The following PDCD6 variants were observed in gnomAD, a reference collection of about 807,000 sequenced individuals.
The protein encoded by PDCD6 is programmed cell death 6.
In PDCD6, 12 loss-of-function variants were observed where a neutral mutation model predicts 28.3. The ratio of observed to expected loss-of-function variants is 0.42; its 90% CI spans 0.27 to 0.69. The LOEUF (loss-of-function observed/expected upper bound fraction) is 0.69. PDCD6 is among the 30% of genes least tolerant of loss of function. PDCD6 has a pLI of 0.22. For missense variants in PDCD6, 226 were observed against 269.9 expected (o/e 0.84, Z 1.14); for synonymous variants, 92 against 108.0 (o/e 0.85, Z 0.92).
chr5:313,071 A>T (rs56700778), intron 5 of PDCD6, among the ~76,000 whole-genome samples: 9,509 of 152,214 alleles, frequency 0.062, 384 homozygotes, highest in African/African-American at 0.1. Context: ...CTCCTGGGAG[A>T]TGCCTCCTCA....
intron 2 of PDCD6, among the ~76,000 whole-genome samples, chr5:281,358 T>C (rs1387457816): frequency 6.6e-6 from 1 of 152,036 alleles, no homozygotes; most frequent in African/African-American, 2.4e-5. Flanking sequence ...AGATGGAGCC[T>C]TGGGGAGGAG....
chr5:272,104 C>T (rs1447932827), intron 1 of PDCD6, among the ~76,000 whole-genome samples: 1 of 142,366 alleles, frequency 7.0e-6, no homozygotes. Flanking sequence ...CTGTCCTGTG[C>T]GTCGGGCCCT....
At chr5:285,129 A>G (rs1188604808) in intron 2 of PDCD6, among the ~76,000 whole-genome samples, 2 of 149,774 alleles carry the variant, frequency 1.3e-5, no homozygotes, top group African/African-American at 2.4e-5. Context: ...AACCTGGAAC[A>G]GTTTGAACCT....
At chr5:290,392 A>C (rs1579506985) in intron 2 of PDCD6, 3 of 807,136 alleles carry the variant, frequency 3.7e-6, no homozygotes, top group East Asian at 2.5e-5. Flanking sequence ...GCCTCCCCCC[A>C]CCCCCCGACG....
At chr5:287,972 T>C (rs1176341739) in intron 2 of PDCD6, among the ~76,000 whole-genome samples, 1 of 152,182 alleles carries the variant, frequency 6.6e-6, no homozygotes, top group Non-Finnish European at 1.5e-5. Context: ...AATAGTAAGC[T>C]AACATTTGAA....
chr5:304,854 G>A (rs1318156929), intron 3 of PDCD6: 3 of 152,116 alleles, frequency 2.0e-5, no homozygotes, highest in Non-Finnish European at 4.4e-5. Flanking sequence ...AGGCAGCTGG[G>A]TTTTTGTTTG....
At chr5:297,688 C>T (rs972070999) in intron 2 of PDCD6, among the ~76,000 whole-genome samples, 9 of 152,180 alleles carry the variant, frequency 5.9e-5, no homozygotes, top group African/African-American at 1.2e-4. Flanking sequence ...CAATCGCAAA[C>T]GGCCCACAAG....
Position 290,386 on chromosome 5 carries a change from C to T in PDCD6, c.164-13791C>T, listed in dbSNP as rs1210282168. The T allele has an allele frequency of 5.1e-4, 423 of 836,952 alleles. 3 individuals carry two copies. Among genetic ancestry groups the T allele is most frequent in the Non-Finnish European group, 2.6e-4 (132 of 502,082 alleles). The allele number at this position is 836,952 out of a possible 1,614,324, so 51.8% of individuals were successfully genotyped here. On this transcript the variant is annotated intron_variant, in intron 2 of 5. Transcript: ENST00000264933. ...AGGTCTCTTGGGGACCGGAATGCCT[C>T]CCCCCACCCCCCGACGTCCTCCCAC...
chr5:285,299 G>A (rs1443267884), intron 2 of PDCD6, among the ~76,000 whole-genome samples: 1 of 148,532 alleles, frequency 6.7e-6, no homozygotes, highest in Non-Finnish European at 1.5e-5. Flanking sequence ...AACTGATGCT[G>A]CAGTTTGAGG....
intron 2 of PDCD6, chr5:276,089 T>C: frequency 2.8e-6 from 3 of 1,085,670 alleles, no homozygotes; most frequent in South Asian, 2.6e-5. Context: ...AGTAAATGAG[T>C]GTAGTGGTGC....
intron 2 of PDCD6, among the ~76,000 whole-genome samples, chr5:293,275 C>A (rs1739420419): frequency 6.6e-6 from 1 of 151,818 alleles, no homozygotes; most frequent in African/African-American, 2.4e-5. Flanking sequence ...GCTGCAAACA[C>A]CCACGATACT....
At chr5:306,886 C>A in intron 4 of PDCD6, 126 bp downstream of exon 4, 1 of 876,426 alleles carries the variant, frequency 1.1e-6, no homozygotes, top group Non-Finnish European at 1.9e-6. Context: ...TTGTTGACGT[C>A]ATGCAGGTTC....
chr5:295,545 CAAATG>C (rs777242676), intron 2 of PDCD6, among the ~76,000 whole-genome samples: 102 of 147,414 alleles, frequency 6.9e-4, no homozygotes, highest in Non-Finnish European at 1.1e-3. Context: ...GAAAGAAAGA[CAAATG>C]AGATGAATCT....
chr5:291,059 G>A (rs1381523982), intron 2 of PDCD6, among the ~76,000 whole-genome samples: 1 of 152,154 alleles, frequency 6.6e-6, no homozygotes, highest in Non-Finnish European at 1.5e-5. Flanking sequence ...AAACATAACT[G>A]TGGATGCTCC....
rs1469927768 is a variant in PDCD6, at chr5:305,915, C to G, written c.209-687C>G. 1.3e-5 allele frequency: 2 copies of G among 152,572 alleles called. No homozygotes were observed. The highest frequency in any genetic ancestry group is 4.8e-5 in the African/African-American group (2 of 41,410). 9.5% of individuals were successfully genotyped at this position (152,572 alleles called of 1,614,324 possible). ...AACCAGGAGTAGTCTTATTGCAGTC[C>G]TGTATTAACCTCTGTTCTTGAAAAG... On this transcript the variant is annotated intron_variant, in intron 3 of 5. Transcript: ENST00000264933. This position sits in a 1 kb window ranked among gnomAD's most constrained non-coding sequence, Gnocchi z 4.0.
intron 2 of PDCD6, among the ~76,000 whole-genome samples, chr5:294,714 T>C (rs1295394297): frequency 2.0e-5 from 3 of 152,150 alleles, no homozygotes; most frequent in African/African-American, 7.2e-5. Flanking sequence ...AAGAGAAAAC[T>C]TAAACGTGCA....
At chr5:278,838 G>A (rs1236093361) in intron 2 of PDCD6, among the ~76,000 whole-genome samples, 1 of 145,796 alleles carries the variant, frequency 6.9e-6, no homozygotes, top group East Asian at 2.0e-4. Flanking sequence ...ACAGGAGGGT[G>A]CTGGGGATGC....
At chr5:303,872 A>G (rs1229412879) in intron 2 of PDCD6, among the ~76,000 whole-genome samples, 1 of 149,600 alleles carries the variant, frequency 6.7e-6, no homozygotes, top group Admixed American at 6.6e-5. Context: ...GTGTAAAATG[A>G]TACAGAACCA....
intron 5 of PDCD6, among the ~76,000 whole-genome samples, chr5:313,550 C>G (rs982068667): frequency 3.3e-5 from 5 of 152,170 alleles, no homozygotes; most frequent in Admixed American, 3.3e-4. Context: ...CAGCCTTGAC[C>G]CTGAGGCTCA....
Sources: gnomAD v4.1 joint callset for allele counts (sites outside exome capture counted in the v4.1 genomes callset) on GRCh38, gnomAD v4.1.1 for gene constraint, Gnocchi (gnomAD v3.1) non-coding constraint, MANE v1.5 for transcripts, NCBI Gene and HGNC (gene_info 2026-07-23, HGNC 2026-07-21) for gene names.